Variants in ZNF451 observed in about 807,000 individuals in gnomAD.
ZNF451 encodes the protein zinc finger protein 451.
A neutral mutation model predicts 107.1 loss-of-function variants in ZNF451; 80 were observed. That is an observed-to-expected ratio of 0.75 (90% CI 0.62 to 0.90). The LOEUF (loss-of-function observed/expected upper bound fraction) is 0.90, where lower values mean the gene tolerates loss of function less well. Among genes scored for constraint, ZNF451 ranks in the 40% least tolerant of loss-of-function variants. The pLI is 0.00. For missense variants in ZNF451, 1,107 were observed against 1,236.2 expected (o/e 0.90, Z 1.57); for synonymous variants, 362 against 406.5 (o/e 0.89, Z 1.32).
At chr6:57,104,488 T>A in intron 3 of ZNF451, 1 of 985,422 alleles carries the variant, frequency 1.0e-6, no homozygotes. Flanking sequence ...AATACTCTTA[T>A]TTCAAACCTT....
chr6:57,111,383 T>C (rs1371893386), intron 3 of ZNF451, among the ~76,000 whole-genome samples: 1 of 151,594 alleles, frequency 6.6e-6, no homozygotes, highest in Non-Finnish European at 1.5e-5. Context: ...TTTTTTTTTT[T>C]TGTTTTTTGT....
chr6:57,107,014 AT>A (rs1452040025), intron 3 of ZNF451: 2 of 944,340 alleles, frequency 2.1e-6, no homozygotes, highest in Non-Finnish European at 2.5e-6. Context: ...TTAGTGGAAT[AT>A]TTTTTACTTC....
At chr6:57,108,422 G>T in intron 3 of ZNF451, 1 of 985,408 alleles carries the variant, frequency 1.0e-6, no homozygotes. Context: ...ACTATATGTT[G>T]TGGTCCCTTA....
chr6:57,163,122 CCCT>C (rs1763742503), intron 14 of ZNF451, among the ~76,000 whole-genome samples: 3 of 152,168 alleles, frequency 2.0e-5, no homozygotes, highest in South Asian at 4.1e-4. Flanking sequence ...TCTTCTTTTC[CCCT>C]CCTCATCACC....
chr6:57,147,294 C>T lies in ZNF451; in HGVS notation c.1209C>T (p.His403=), dbSNP rs143620344. The change falls in exon 10 of 15, where the codon CAC becomes CAT. Residue 403 remains histidine (H), a synonymous_variant. Transcript: ENST00000370706. ...SVEESVLLYC[H]SSEGNKDPSS... ...AAGAATCAGTCTTACTCTATTGCCA[C>T]AGCAGCGAAGGGAACAAGGATCCTT... The T allele has an allele frequency of 3.7e-5, 60 of 1,613,988 alleles. No individual in the cohort carries two copies. In the African/African-American group the frequency reaches 6.8e-4, roughly 18 times the overall value.
At chr6:57,102,927 C>T in intron 3 of ZNF451, 1 of 985,408 alleles carries the variant, frequency 1.0e-6, no homozygotes, top group Non-Finnish European at 1.2e-6. Flanking sequence ...TTTGACCTAT[C>T]AAGCTCTCGT....
In ZNF451 at chr6:57,102,267, TAAAG is replaced by T. The variant is rs926703766; in HGVS notation, c.186+3130_186+3133del. 1.6e-4 allele frequency: 218 copies of T among 1,338,752 alleles called. 1 individual carries two copies. Among genetic ancestry groups the T allele is most frequent in the Middle Eastern group, 5.6e-4 (2 of 3,588 alleles). The allele number at this position is 1,338,752 out of a possible 1,614,324, so 82.9% of individuals were successfully genotyped here. On this transcript the variant is annotated intron_variant, in intron 3 of 14. Coordinates refer to ENST00000370706, the MANE Select transcript of ZNF451 (RefSeq NM_001031623.3). ...TAGACTTTTGAAATGAAGTATATAA[TAAAG>T]AAACTCATGACTTATTGGCCAAGTG...
At chr6:57,124,308 C>T in intron 3 of ZNF451, 1 of 650,210 alleles carries the variant, frequency 1.5e-6, no homozygotes, top group South Asian at 1.8e-5. Context: ...TTTTAACTCT[C>T]AGGCTCGTCC....
At chr6:57,159,835 C>G (rs1763590359) in intron 13 of ZNF451, among the ~76,000 whole-genome samples, 1 of 151,846 alleles carries the variant, frequency 6.6e-6, no homozygotes, top group Non-Finnish European at 1.5e-5. Flanking sequence ...TTTATAGACC[C>G]CTAAAGGGCT....
intron 3 of ZNF451, among the ~76,000 whole-genome samples, chr6:57,119,479 G>A (rs189731776): frequency 2.0e-4 from 30 of 152,140 alleles, no homozygotes; most frequent in South Asian, 2.1e-4. Flanking sequence ...AGCCGAGATC[G>A]CGCCACTGCA....
intron 3 of ZNF451, among the ~76,000 whole-genome samples, chr6:57,120,089 CCTT>C (rs1250432137): frequency 1.3e-5 from 2 of 152,186 alleles, no homozygotes; most frequent in African/African-American, 2.4e-5. Context: ...TATCCCTCCT[CCTT>C]GACTATCCTG....
intron 13 of ZNF451, chr6:57,158,910 T>C (rs1355351603): frequency 1.0e-6 from 1 of 985,338 alleles, no homozygotes; most frequent in African/African-American, 1.7e-5. Context: ...ACACAGATTT[T>C]TAAATCCATC....
In ZNF451 at chr6:57,108,167, A is replaced by G. The variant is rs894313113; in HGVS notation, c.186+9026A>G. The stretch of plus-strand genomic sequence containing the variant: ...ATTTGGTGATATTTTAAAAAATTCT[A>G]CTTTGACCTTAAGTGCTTCAAGAAT... On this transcript the variant is annotated intron_variant, in intron 3 of 14. Coordinates refer to ENST00000370706, the MANE Select transcript of ZNF451 (RefSeq NM_001031623.3). 1.0e-5 allele frequency: 10 copies of G among 985,254 alleles called. No homozygotes were observed. In the African/African-American group the frequency reaches 1.0e-4, roughly 10 times the overall value. 61.0% of individuals were successfully genotyped at this position (985,254 alleles called of 1,614,324 possible).
chr6:57,109,104 T>C (rs9464418), intron 3 of ZNF451: 77,882 of 985,280 alleles, frequency 0.079, 3,218 homozygotes, highest in East Asian at 0.094. Context: ...AATTCCTGAT[T>C]ATTTCACTTG....
intron 3 of ZNF451, among the ~76,000 whole-genome samples, chr6:57,119,730 C>A (rs1316574664): frequency 6.6e-6 from 1 of 152,006 alleles, no homozygotes; most frequent in Non-Finnish European, 1.5e-5. Context: ...AATCTGTGAA[C>A]CTCCATTAAC....
chr6:57,162,283 T>G (rs146796181), intron 14 of ZNF451, among the ~76,000 whole-genome samples: 2 of 152,314 alleles, frequency 1.3e-5, no homozygotes, highest in East Asian at 3.9e-4. Flanking sequence ...TTGCATTTCC[T>G]TGATCTCAGA....
At chr6:57,100,706 G>A (rs779957466) in intron 3 of ZNF451, 2 of 1,550,434 alleles carry the variant, frequency 1.3e-6, no homozygotes, top group Non-Finnish European at 1.7e-6. Flanking sequence ...TCCTTCTCTG[G>A]GAGTTGTTCC....
chr6:57,137,444 T>C (rs893512665), intron 7 of ZNF451, among the ~76,000 whole-genome samples: 6 of 152,218 alleles, frequency 3.9e-5, no homozygotes, highest in Admixed American at 2.0e-4. Context: ...AAATGCAGAT[T>C]CTGACTCAAG....
Position 57,107,782 on chromosome 6 carries a change from A to G in ZNF451, c.186+8641A>G, listed in dbSNP as rs188099562. 2.3e-5 allele frequency: 23 copies of G among 984,192 alleles called. No homozygotes were observed. In the East Asian group the frequency reaches 2.6e-3, roughly 112 times the overall value. 61.0% of individuals were successfully genotyped at this position (984,192 alleles called of 1,614,324 possible). On this transcript the variant is annotated intron_variant, in intron 3 of 14. Coordinates refer to ENST00000370706, the MANE Select transcript of ZNF451 (RefSeq NM_001031623.3). ...GATCTCTCAAGTTGTACTGTTTTCT[A>G]GTATTCCTGAGTATATTCCTTTGGT...
Sources: gnomAD v4.1 joint callset for allele counts (sites outside exome capture counted in the v4.1 genomes callset) on GRCh38, gnomAD v4.1.1 for gene constraint, MANE v1.5 for transcripts, NCBI Gene and HGNC (gene_info 2026-07-23, HGNC 2026-07-21) for gene names.